The following TBC1D5 variants were observed in gnomAD, a reference collection of about 807,000 sequenced individuals.
The protein encoded by TBC1D5 is TBC1 domain family, member 5.
Under a neutral mutation model 100.3 loss-of-function variants are expected in TBC1D5, and 75 were observed. The observed-to-expected ratio is 0.75, with a 90% CI of 0.62 to 0.91. The LOEUF is 0.91. Ranked by LOEUF, TBC1D5 falls within the 40% of genes least tolerant of loss-of-function variation. TBC1D5 has a pLI of 0.00. For missense variants in TBC1D5, 910 were observed against 942.4 expected, an observed-to-expected ratio of 0.97 and a Z score of 0.45; for synonymous variants, 323 against 325.6, an observed-to-expected ratio of 0.99 and a Z score of 0.09.
intron 2 of TBC1D5, among the ~76,000 whole-genome samples, chr3:17,594,791 G>A (rs1266867808): frequency 6.6e-6 from 1 of 152,084 alleles, no homozygotes; most frequent in Non-Finnish European, 1.5e-5. Flanking sequence ...CTTTATTTAA[G>A]GATTATGTAT....
chr3:17,449,361 C>T (rs1403160981), intron 3 of TBC1D5, among the ~76,000 whole-genome samples: 4 of 152,256 alleles, frequency 2.6e-5, no homozygotes, highest in Non-Finnish European at 4.4e-5. Flanking sequence ...ACCCTAGTGG[C>T]ACCTGGAATG....
chr3:17,234,635 C>T (rs1265055203), intron 17 of TBC1D5, among the ~76,000 whole-genome samples: 1 of 152,014 alleles, frequency 6.6e-6, no homozygotes. Context: ...ATCTGAAGGC[C>T]TATGCTATTT....
intron 2 of TBC1D5, among the ~76,000 whole-genome samples, chr3:17,566,570 T>C (rs931039354): frequency 6.6e-6 from 1 of 151,874 alleles, no homozygotes; most frequent in Non-Finnish European, 1.5e-5. Flanking sequence ...AGTTAATAAA[T>C]AGTAACACAA....
intron 1 of TBC1D5, among the ~76,000 whole-genome samples, chr3:17,704,051 A>G (rs1248762762): frequency 7.0e-6 from 1 of 143,740 alleles, no homozygotes; most frequent in Non-Finnish European, 1.5e-5. Flanking sequence ...TGGTTTTCCT[A>G]GGCAGAGGAC....
At chr3:17,342,452 A>C (rs2089143782) in intron 13 of TBC1D5, among the ~76,000 whole-genome samples, 1 of 152,198 alleles carries the variant, frequency 6.6e-6, no homozygotes, top group Non-Finnish European at 1.5e-5. Flanking sequence ...TCTTCTACAC[A>C]CCAAGATGAA....
At chr3:17,599,139 A>G (rs2060766277) in intron 2 of TBC1D5, among the ~76,000 whole-genome samples, 1 of 152,180 alleles carries the variant, frequency 6.6e-6, no homozygotes, top group Non-Finnish European at 1.5e-5. Context: ...TACAGACAGG[A>G]GGCAGGGAAG....
At chr3:17,729,228 G>C (rs1033300830) in intron 1 of TBC1D5, among the ~76,000 whole-genome samples, 1 of 151,658 alleles carries the variant, frequency 6.6e-6, no homozygotes, top group African/African-American at 2.4e-5. Flanking sequence ...CTTTCTATAA[G>C]GCAGTTTTGC....
At chr3:17,383,957 G>T (rs751528912) in exon 9 of TBC1D5, 2 of 1,603,478 alleles carry the variant, frequency 1.2e-6, no homozygotes, top group East Asian at 2.2e-5. Context: ...TAACAGAAAA[G>T]AACATCTGTA....
intron 1 of TBC1D5, among the ~76,000 whole-genome samples, chr3:17,627,673 A>T (rs1337200587): frequency 7.4e-5 from 11 of 147,966 alleles, no homozygotes; most frequent in African/African-American, 9.8e-5. Context: ...TTTTTTTTTG[A>T]GAGAGAGAGA....
intron 4 of TBC1D5, among the ~76,000 whole-genome samples, chr3:17,416,706 C>T (rs2094082924): frequency 6.6e-6 from 1 of 152,162 alleles, no homozygotes; most frequent in African/African-American, 2.4e-5. Flanking sequence ...GTGTCTATCT[C>T]ATTGACTCTC....
intron 1 of TBC1D5, among the ~76,000 whole-genome samples, chr3:17,702,548 A>G (rs1003666132): frequency 2.0e-5 from 3 of 152,166 alleles, no homozygotes; most frequent in African/African-American, 7.2e-5. Context: ...GTAAAGAGAA[A>G]AAGATGTCCA....
chr3:17,696,600 G>A (rs553796881), intron 1 of TBC1D5, among the ~76,000 whole-genome samples: 2 of 152,146 alleles, frequency 1.3e-5, no homozygotes, highest in Non-Finnish European at 2.9e-5. Context: ...CTGAAATTGA[G>A]GCAATAATTA....
chr3:17,324,715 A>G lies in TBC1D5; in HGVS notation c.996-16581T>C, dbSNP rs548749232. ...ATTTACAAAATACATACATGCAAAA[A>G]GACATTTCTTGAATATACAAAGATC... On this transcript the variant is annotated intron_variant, in intron 13 of 21. Transcript: ENST00000253692. 9.2e-5 allele frequency among the ~76,000 whole-genome samples: 14 copies of G among 152,352 alleles called. No homozygotes were observed. In the East Asian group the frequency reaches 2.3e-3, roughly 25 times the overall value.
intron 13 of TBC1D5, among the ~76,000 whole-genome samples, chr3:17,354,771 T>C (rs2091035027): frequency 6.7e-6 from 1 of 148,738 alleles, no homozygotes; most frequent in Admixed American, 6.6e-5. Context: ...ATCATTTTGT[T>C]TCCTAGAAGA....
chr3:17,278,477 T>G (rs1323420802), intron 15 of TBC1D5, among the ~76,000 whole-genome samples: 3 of 152,356 alleles, frequency 2.0e-5, no homozygotes, highest in African/African-American at 7.2e-5. Flanking sequence ...AACAGAGTAT[T>G]TAAATGAGAT....
chr3:17,600,428 C>A (rs1374183299), intron 2 of TBC1D5, among the ~76,000 whole-genome samples: 1 of 152,078 alleles, frequency 6.6e-6, no homozygotes, highest in Non-Finnish European at 1.5e-5. Context: ...ATTCATATTG[C>A]TAATGTCATT....
intron 15 of TBC1D5, among the ~76,000 whole-genome samples, chr3:17,263,727 G>A (rs567974483): frequency 1.3e-5 from 2 of 152,324 alleles, no homozygotes; most frequent in South Asian, 4.1e-4. Flanking sequence ...AGAACTGACA[G>A]TGGTAGATGC....
intron 19 of TBC1D5, among the ~76,000 whole-genome samples, chr3:17,174,416 C>T (rs182869486): frequency 6.6e-6 from 1 of 152,262 alleles, no homozygotes; most frequent in Admixed American, 6.5e-5. Context: ...CTGGGGGAGA[C>T]CCTGGTTTTC....
chr3:17,676,952 G>C (rs1012035086), intron 1 of TBC1D5, among the ~76,000 whole-genome samples: 1 of 152,046 alleles, frequency 6.6e-6, no homozygotes, highest in Admixed American at 6.6e-5. Context: ...TAGCCATATG[G>C]AGAAAGCTGA....
Sources: allele counts gnomAD v4.1 joint callset (sites outside exome capture counted in the v4.1 genomes callset), GRCh38; gene constraint gnomAD v4.1.1; transcripts MANE v1.5; gene names NCBI Gene and HGNC (gene_info 2026-07-23, HGNC 2026-07-21).